The following DMXL1 variants were observed in gnomAD, a reference collection of about 807,000 sequenced individuals.
The protein encoded by DMXL1 is dmX-like protein 1.
Under a neutral mutation model 319.2 loss-of-function variants are expected in DMXL1, and 99 were observed. The observed-to-expected ratio is 0.31, with a 90% CI of 0.26 to 0.37. DMXL1 has a LOEUF of 0.37. Among genes scored for constraint, DMXL1 ranks in the 10% least tolerant of loss-of-function variants. DMXL1 has a pLI of 1.00. For synonymous variants in DMXL1, 1,385 were observed against 1,235.2 expected, an observed-to-expected ratio of 1.12 and a Z score of -2.54; for missense variants, 3,745 against 3,595.6, an observed-to-expected ratio of 1.04 and a Z score of -1.06.
At chr5:119,180,376 G>C (rs1424225296) in intron 28 of DMXL1, among the ~76,000 whole-genome samples, 2 of 151,962 alleles carry the variant, frequency 1.3e-5, no homozygotes, top group Non-Finnish European at 2.9e-5. Flanking sequence ...TACTGAAAAT[G>C]TAGAATCCTA....
Position 119,196,359 on chromosome 5 carries a change from C to T in DMXL1, c.7458-12C>T. ...GAAATAGTTAACAGATCCATCGTTG[C>T]TTTATTTTTAGTTGGTCCTTGATGC... On this transcript the variant is annotated splice_polypyrimidine_tract_variant and intron_variant, in intron 30 of 43. Transcript: ENST00000539542. 3 of 1,610,106 alleles carry T rather than the reference C, an allele frequency of 1.9e-6. No homozygotes were observed. Among genetic ancestry groups the T allele is most frequent in the Non-Finnish European group, 2.5e-6 (3 of 1,176,494 alleles).
At chr5:119,092,896 C>G (rs1291660783) in intron 1 of DMXL1, among the ~76,000 whole-genome samples, 2 of 152,118 alleles carry the variant, frequency 1.3e-5, no homozygotes, top group South Asian at 4.1e-4. Flanking sequence ...TAGCCATTGA[C>G]AGTTGATGGA....
rs925095589 is a variant in DMXL1 at position 119,133,045 on chromosome 5, G to A, written c.1316-87G>A. 2.1e-6 allele frequency: 3 copies of A among 1,457,688 alleles called. No homozygotes were observed. In the African/African-American group the frequency reaches 4.2e-5, roughly 21 times the overall value. 90.3% of individuals were successfully genotyped at this position (1,457,688 alleles called of 1,614,324 possible). A position where few individuals can be genotyped will look rare whatever the true frequency, so the allele number is the denominator to read the frequency against. On this transcript the variant is annotated intron_variant, in intron 10 of 43. Coordinates refer to ENST00000539542, the MANE Select transcript of DMXL1 (RefSeq NM_001290321.3). ...CTCCTTAGGCATGAGATCTCCATGTGTTCAGCTATCCAGAAGCTCGGTAAT... is the reference window on the plus strand; with the variant it reads ...CTCCTTAGGCATGAGATCTCCATGTATTCAGCTATCCAGAAGCTCGGTAAT...
intron 31 of DMXL1, among the ~76,000 whole-genome samples, chr5:119,196,818 G>A (rs1222820274): frequency 6.6e-6 from 1 of 152,022 alleles, no homozygotes; most frequent in Non-Finnish European, 1.5e-5. Context: ...GGAAAGAAAG[G>A]GGCATGATAA....
chr5:119,105,126 T>C (rs1057383352), intron 3 of DMXL1, 54 bp from the exon 4 acceptor site: 41 of 1,146,622 alleles, frequency 3.6e-5, no homozygotes, highest in Non-Finnish European at 5.1e-5. Context: ...CGTACACATT[T>C]GACAGAGAAA....
In DMXL1 at chr5:119,178,138, A is replaced by G. The variant is rs778185682; in HGVS notation, c.7029A>G (p.Leu2343=). 2 of 1,613,950 alleles carry G rather than the reference A, an allele frequency of 1.2e-6. No homozygotes were observed. The highest frequency in any genetic ancestry group is 2.2e-5 in the South Asian group (2 of 91,078). Residue 2343 remains leucine, a synonymous_variant, in exon 28 of 44, where the codon CTA becomes CTG. Transcript: ENST00000539542. The stretch of plus-strand genomic sequence containing the variant: ...TGGCCACACATTCAAGTAATGAGCT[A>G]TTTCGGATTGTGGCCCATCCTCTAA... ...HGLATHSSNE[L]FRIVAHPLNE... is the part of the protein sequence containing the mutation.
In DMXL1 at chr5:119,170,917, T is replaced by A. The variant is rs1230234075; in HGVS notation, c.6126T>A (p.Arg2042=). 13 of 1,613,412 alleles carry A rather than the reference T, an allele frequency of 8.1e-6. No homozygotes were observed. The highest frequency in any genetic ancestry group is 1.1e-5 in the Non-Finnish European group (13 of 1,179,860). Residue 2042 remains arginine (R), a synonymous_variant, in exon 24 of 44, where the codon CGT becomes CGA. Coordinates refer to ENST00000539542, the MANE Select transcript of DMXL1 (RefSeq NM_001290321.3). ...ACLKILTVEL[R]TLSTGYEIDG... ...TAAAGATTCTCACAGTAGAACTTCG[T>A]ACTTTATCTACTGGCTATGAAATAG... is the stretch of plus-strand genomic sequence containing the variant.
At chr5:119,244,112 C>T (rs1255305430) in intron 42 of DMXL1, among the ~76,000 whole-genome samples, 1 of 152,186 alleles carries the variant, frequency 6.6e-6, no homozygotes, top group Non-Finnish European at 1.5e-5. Flanking sequence ...GTGCCATGGT[C>T]AGGAAACTCT....
chr5:119,244,683 T>C, intron 43 of DMXL1, 107 bp downstream of exon 43: 1 of 742,180 alleles, frequency 1.3e-6, no homozygotes, highest in Non-Finnish European at 2.2e-6. Flanking sequence ...TTATATTAAT[T>C]CCTTTGTAGT....
At chr5:119,231,486 A>G (rs1185577436) in intron 38 of DMXL1, among the ~76,000 whole-genome samples, 2 of 152,202 alleles carry the variant, frequency 1.3e-5, no homozygotes, top group African/African-American at 2.4e-5. Flanking sequence ...CTTCAAATGC[A>G]CAGTGAGAAA....
At chr5:119,230,813 T>G (rs1009108251) in intron 38 of DMXL1, among the ~76,000 whole-genome samples, 1 of 150,234 alleles carries the variant, frequency 6.7e-6, no homozygotes, top group Non-Finnish European at 1.5e-5. Flanking sequence ...ACCCAGGAGG[T>G]GGAGGTTACA....
At chr5:119,221,130 C>G in intron 37 of DMXL1, 49 bp downstream of exon 37, 1 of 1,398,874 alleles carries the variant, frequency 7.1e-7, no homozygotes, top group Non-Finnish European at 9.8e-7. Context: ...TTTTATTTTT[C>G]CCTCTAGGTT....
chr5:119,146,085 T>A (rs1032695275), intron 15 of DMXL1, among the ~76,000 whole-genome samples: 5 of 151,924 alleles, frequency 3.3e-5, no homozygotes, highest in East Asian at 1.9e-4. Context: ...TTACCTTTTT[T>A]AATTTTTTTG....
At chr5:119,093,899 C>T (rs1404697838) in intron 1 of DMXL1, among the ~76,000 whole-genome samples, 2 of 152,140 alleles carry the variant, frequency 1.3e-5, no homozygotes, top group African/African-American at 4.8e-5. Context: ...AGAGCAGGAC[C>T]CTAACTCTTC....
intron 38 of DMXL1, among the ~76,000 whole-genome samples, chr5:119,227,874 C>T (rs1158312698): frequency 6.6e-6 from 1 of 152,236 alleles, no homozygotes; most frequent in Middle Eastern, 3.4e-3. Flanking sequence ...AGAATACTCA[C>T]TAATAGCTTC....
intron 19 of DMXL1, among the ~76,000 whole-genome samples, chr5:119,162,382 G>A (rs1772461417): frequency 6.6e-6 from 1 of 152,120 alleles, no homozygotes. Context: ...TTTGTAAATA[G>A]GAACAAGTTA....
rs185232339 is a variant in DMXL1 at position 119,188,637 on chromosome 5, T to A, written c.7136-1071T>A. The stretch of plus-strand genomic sequence containing the variant: ...ATGTTAGTAAGAACAAAGAAAAAAA[T>A]TTGCACATTTAATCTCACAGTTCCT... On this transcript the variant is annotated intron_variant, in intron 28 of 43. Coordinates refer to ENST00000539542, the MANE Select transcript of DMXL1 (RefSeq NM_001290321.3). Among the ~76,000 whole-genome samples, 89 of 152,268 alleles carry A rather than the reference T, an allele frequency of 5.8e-4. 3 individuals carry two copies. The East Asian group carries it at 0.013, about 21-fold the overall frequency.
intron 31 of DMXL1, 82 bp downstream of exon 31, chr5:119,196,538 C>A: frequency 2.6e-6 from 2 of 770,882 alleles, no homozygotes; most frequent in Non-Finnish European, 2.0e-6. Context: ...TTTTTTTGGT[C>A]TGGACTGGGG....
chr5:119,072,872 G>C (rs1457631007), intron 1 of DMXL1, among the ~76,000 whole-genome samples: 2 of 152,142 alleles, frequency 1.3e-5, no homozygotes, highest in African/African-American at 4.8e-5. Flanking sequence ...AGTGAGCTCT[G>C]AGGGTCCCAG....
Sources: gnomAD v4.1 joint callset for allele counts (sites outside exome capture counted in the v4.1 genomes callset) on GRCh38, gnomAD v4.1.1 for gene constraint, MANE v1.5 for transcripts, NCBI Gene and HGNC (gene_info 2026-07-23, HGNC 2026-07-21) for gene names.